The following KIF18A variants were observed in gnomAD, a reference collection of about 807,000 sequenced individuals.
KIF18A encodes the protein kinesin family member 18A.
Under a neutral mutation model 103.3 loss-of-function variants are expected in KIF18A, and 67 were observed. The observed-to-expected ratio is 0.65, with a 90% confidence interval of 0.53 to 0.79. The LOEUF (loss-of-function observed/expected upper bound fraction) is 0.79. Among genes scored for constraint, KIF18A ranks in the 30% least tolerant of loss-of-function variants. The pLI is 0.00. For synonymous variants in KIF18A, 367 were observed against 355.5 expected (o/e 1.03, Z -0.36); for missense variants, 1,032 against 1,062.5 (o/e 0.97, Z 0.40).
chr11:28,040,167 C>G (rs1412363735), intron 13 of KIF18A, among the ~76,000 whole-genome samples: 1 of 151,648 alleles, frequency 6.6e-6, no homozygotes, highest in African/African-American at 2.4e-5. Flanking sequence ...AATTACATAA[C>G]AAATAATTAT....
At chr11:28,063,421 T>C (rs1300309665) in intron 11 of KIF18A, among the ~76,000 whole-genome samples, 1 of 152,016 alleles carries the variant, frequency 6.6e-6, no homozygotes, top group East Asian at 1.9e-4. Flanking sequence ...TTTCTTCTTT[T>C]AAAGAGACAA....
chr11:28,056,911 TG>T, intron 13 of KIF18A: 4 of 394,786 alleles, frequency 1.0e-5, no homozygotes, highest in Non-Finnish European at 1.0e-5. Context: ...GGACTCTAGT[TG>T]GGAGTGAGGG....
chr11:28,100,682 T>C lies in KIF18A; in HGVS notation c.-46-2689A>G, dbSNP rs563617912. ...CATATACTTTCGGACAGAATTCAAATAAGGACAGAATTCAAAGGAATCTAA... is the reference window on the plus strand; with the variant it reads ...CATATACTTTCGGACAGAATTCAAACAAGGACAGAATTCAAAGGAATCTAA... On this transcript the variant is annotated intron_variant, in intron 1 of 16. Coordinates refer to ENST00000263181, the MANE Select transcript of KIF18A (RefSeq NM_031217.4). Among the ~76,000 whole-genome samples the C allele has an allele frequency of 2.5e-4, 38 of 152,068 alleles. No individual in the cohort carries two copies. The South Asian group carries it at 5.4e-3, about 22-fold the overall frequency.
intron 15 of KIF18A, among the ~76,000 whole-genome samples, chr11:28,027,272 A>G (rs1029912573): frequency 1.4e-4 from 21 of 151,900 alleles, no homozygotes; most frequent in African/African-American, 5.1e-4. Flanking sequence ...TTGTCATTGC[A>G]TTCAATTTAT....
At chr11:28,033,805 T>G (rs909362638) in intron 15 of KIF18A, among the ~76,000 whole-genome samples, 1 of 151,610 alleles carries the variant, frequency 6.6e-6, no homozygotes, top group Middle Eastern at 3.4e-3. Flanking sequence ...CACAACAGGG[T>G]AACTACAGTC....
At chr11:28,090,474 A>G (rs978846740) in intron 5 of KIF18A, 143 bp downstream of exon 5, 24 of 473,746 alleles carry the variant, frequency 5.1e-5, no homozygotes, top group Non-Finnish European at 7.5e-6. Flanking sequence ...GGTGACAGAA[A>G]CTTTTCAAAG....
At chr11:28,059,658 T>G (rs1525717) in intron 12 of KIF18A, among the ~76,000 whole-genome samples, 2 of 151,672 alleles carry the variant, frequency 1.3e-5, no homozygotes, top group South Asian at 4.2e-4. Context: ...TCTCAAACAC[T>G]TAGCCTCAAG....
intron 13 of KIF18A, among the ~76,000 whole-genome samples, chr11:28,039,202 A>G (rs1011177500): frequency 4.0e-5 from 6 of 151,722 alleles, no homozygotes; most frequent in Non-Finnish European, 1.5e-5. Flanking sequence ...AGAAATGCAA[A>G]TATGTTTCAA....
chr11:28,056,132 A>G (rs781168426), intron 13 of KIF18A, among the ~76,000 whole-genome samples: 5 of 150,964 alleles, frequency 3.3e-5, no homozygotes, highest in Admixed American at 6.7e-5. Context: ...AAAAAAGTCT[A>G]TATGTTCAGT....
At chr11:28,031,653 A>ACATGTACCG (rs1850410911) in intron 15 of KIF18A, among the ~76,000 whole-genome samples, 1 of 151,954 alleles carries the variant, frequency 6.6e-6, no homozygotes, top group African/African-American at 2.4e-5. Flanking sequence ...CACGTTATGC[A>ACATGTACCG]CATGTACCGT....
intron 1 of KIF18A, among the ~76,000 whole-genome samples, chr11:28,106,600 T>C (rs1851514421): frequency 6.6e-6 from 1 of 151,200 alleles, no homozygotes; most frequent in African/African-American, 2.4e-5. Context: ...TCTTAATTGA[T>C]TTGGGGTATT....
rs1352767915 is a variant in KIF18A at position 28,085,555 on chromosome 11, G to C, written c.898-747C>G. The stretch of plus-strand genomic sequence containing the variant: ...GGATGTATGCGCCATCTCTCTCTCT[G>C]TTATCGGCTACCTAAGAGGGAAGGG... On this transcript the variant is annotated intron_variant, in intron 6 of 16. Transcript: ENST00000263181. Among the ~76,000 whole-genome samples the C allele has an allele frequency of 2.0e-5, 3 of 152,256 alleles. No individual in the cohort carries two copies. The East Asian group carries it at 5.8e-4, about 29-fold the overall frequency.
chr11:28,060,999 T>C (rs1383242633), intron 12 of KIF18A, among the ~76,000 whole-genome samples: 1 of 152,196 alleles, frequency 6.6e-6, no homozygotes, highest in Non-Finnish European at 1.5e-5. Flanking sequence ...CCCTGTACCT[T>C]TTCCCTTTGC....
intron 5 of KIF18A, 103 bp from the exon 6 acceptor site, chr11:28,088,824 T>C: frequency 1.1e-6 from 1 of 896,904 alleles, no homozygotes; most frequent in Non-Finnish European, 1.7e-6. Context: ...TATTTTCATT[T>C]TAAAAAACAA....
At chr11:28,074,338 T>C (rs1157605096) in intron 10 of KIF18A, among the ~76,000 whole-genome samples, 1 of 152,120 alleles carries the variant, frequency 6.6e-6, no homozygotes, top group African/African-American at 2.4e-5. Flanking sequence ...AGTCATTACA[T>C]TTATCAAAGA....
intron 13 of KIF18A, among the ~76,000 whole-genome samples, chr11:28,045,635 TA>T (rs1452033415): frequency 2.0e-5 from 3 of 152,088 alleles, no homozygotes; most frequent in African/African-American, 7.2e-5. Flanking sequence ...CTGATCCTGC[TA>T]AAATACATTA....
Position 28,021,253 on chromosome 11 carries a change from GATTT to G in KIF18A, c.2640_2643del (p.Asn881GlnfsTer16), listed in dbSNP as rs1444694303. The G allele has an allele frequency of 6.7e-7, 1 of 1,486,300 alleles. No individual in the cohort carries two copies. Among genetic ancestry groups the G allele is most frequent in the Non-Finnish European group, 9.0e-7 (1 of 1,109,414 alleles). 92.1% of individuals were successfully genotyped at this position (1,486,300 alleles called of 1,614,324 possible). A position where few individuals can be genotyped will look rare whatever the true frequency, so the allele number is the denominator to read the frequency against. On this transcript the variant is annotated frameshift_variant, in exon 17 of 17. Coordinates refer to ENST00000263181, the MANE Select transcript of KIF18A (RefSeq NM_031217.4). LOFTEE classifies it high-confidence loss of function. ...CTTCCAAATTTTCTAACCATGCTTGGATTTATTTTACAGATGTTTCTTTTATGTT... is the reference window on the plus strand; with the variant it reads ...CTTCCAAATTTTCTAACCATGCTTGGATTTTACAGATGTTTCTTTTATGTT...
intron 15 of KIF18A, among the ~76,000 whole-genome samples, chr11:28,032,250 C>T (rs1420303982): frequency 6.6e-6 from 1 of 151,942 alleles, no homozygotes; most frequent in East Asian, 1.9e-4. Flanking sequence ...ATTCCATGTT[C>T]ATGGATTGGA....
chr11:28,096,639 A>G lies in KIF18A; in HGVS notation c.325+984T>C, dbSNP rs762589858. On this transcript the variant is annotated intron_variant, in intron 2 of 16. Transcript: ENST00000263181. ...GAATATCTTCTTAAAAATGGGAATC[A>G]CAGTAGTACCAATCAATAAACCACA... Among the ~76,000 whole-genome samples, 6 of 152,328 alleles carry G rather than the reference A, an allele frequency of 3.9e-5. No individual in the cohort carries two copies. The South Asian group carries it at 1.0e-3, about 26-fold the overall frequency.
Sources: gnomAD v4.1 joint callset for allele counts (sites outside exome capture counted in the v4.1 genomes callset) on GRCh38, gnomAD v4.1.1 for gene constraint, MANE v1.5 for transcripts, NCBI Gene and HGNC (gene_info 2026-07-23, HGNC 2026-07-21) for gene names.